The following VPS50 variants were observed in gnomAD, a reference collection of about 807,000 sequenced individuals.
VPS50 encodes syndetin.
A neutral mutation model predicts 139.7 loss-of-function variants in VPS50; 70 were observed. The observed-to-expected ratio is 0.50, with a 90% CI of 0.41 to 0.61. The LOEUF (loss-of-function observed/expected upper bound fraction) is 0.61, where lower values mean the gene tolerates loss of function less well. VPS50 is among the 20% of genes least tolerant of loss of function. The pLI is 0.00. For missense variants in VPS50, 921 were observed against 1,133.7 expected (o/e 0.81, Z 2.69); for synonymous variants, 365 against 376.7 (o/e 0.97, Z 0.36).
intron 9 of VPS50, among the ~76,000 whole-genome samples, chr7:93,266,712 AG>A (rs1673960689): frequency 6.6e-6 from 1 of 152,196 alleles, no homozygotes; most frequent in Non-Finnish European, 1.5e-5. Flanking sequence ...TATTTATCAA[AG>A]TGTTTATGAA....
At chr7:93,298,477 A>G (rs1796877617) in intron 16 of VPS50, among the ~76,000 whole-genome samples, 3 of 152,336 alleles carry the variant, frequency 2.0e-5, no homozygotes, top group South Asian at 4.1e-4. Context: ...TCCCTGCAGT[A>G]TGAAGGCATG....
At chr7:93,247,043 C>T (rs1016887813) in intron 2 of VPS50, among the ~76,000 whole-genome samples, 4 of 151,804 alleles carry the variant, frequency 2.6e-5, no homozygotes, top group Non-Finnish European at 4.4e-5. Context: ...AGTTATATTT[C>T]TGATGTACAT....
At chr7:93,324,323 T>A (rs1022612093) in intron 21 of VPS50, among the ~76,000 whole-genome samples, 4 of 152,180 alleles carry the variant, frequency 2.6e-5, no homozygotes, top group Non-Finnish European at 2.9e-5. Context: ...TCCAACACTA[T>A]GTTGAATAGG....
chr7:93,306,223 T>C (rs2116976180), intron 18 of VPS50, among the ~76,000 whole-genome samples: 1 of 152,060 alleles, frequency 6.6e-6, no homozygotes, highest in South Asian at 2.1e-4. Context: ...ATGTTTGCTT[T>C]ATGTTCTTAT....
chr7:93,294,744 A>G (rs1796757090), intron 14 of VPS50, 108 bp downstream of exon 14: 4 of 796,852 alleles, frequency 5.0e-6, no homozygotes, highest in Non-Finnish European at 7.7e-6. Flanking sequence ...TTGCAGATTT[A>G]ATCATATGTT....
At chr7:93,242,808 G>A (rs1255382675) in intron 2 of VPS50, among the ~76,000 whole-genome samples, 1 of 151,858 alleles carries the variant, frequency 6.6e-6, no homozygotes, top group East Asian at 1.9e-4. Context: ...GTTAGTTTGG[G>A]TTCTGTTACA....
intron 9 of VPS50, among the ~76,000 whole-genome samples, chr7:93,262,571 A>G (rs188777926): frequency 6.6e-6 from 1 of 152,340 alleles, no homozygotes; most frequent in East Asian, 1.9e-4. Flanking sequence ...AAATAGGTAA[A>G]AGTACATCAC....
At chr7:93,293,576 A>T (rs1276601838) in intron 13 of VPS50, among the ~76,000 whole-genome samples, 1 of 152,178 alleles carries the variant, frequency 6.6e-6, no homozygotes, top group South Asian at 2.1e-4. Flanking sequence ...TCAGGAATAA[A>T]ATTGTAGAAA....
At chr7:93,314,138 A>G (rs949734914) in intron 20 of VPS50, among the ~76,000 whole-genome samples, 4 of 152,212 alleles carry the variant, frequency 2.6e-5, no homozygotes, top group African/African-American at 7.2e-5. Context: ...TGAAGATTAT[A>G]AACTGGCAGA....
intron 12 of VPS50, among the ~76,000 whole-genome samples, chr7:93,277,329 T>C (rs943309381): frequency 6.6e-6 from 1 of 152,188 alleles, no homozygotes; most frequent in African/African-American, 2.4e-5. Flanking sequence ...GAGGTACTGT[T>C]TACCATGATT....
In VPS50 at chr7:93,232,452, T is replaced by G; in HGVS notation, c.-16T>G. 2.5e-6 allele frequency: 4 copies of G among 1,610,612 alleles called. No homozygotes were observed. Among genetic ancestry groups the G allele is most frequent in the Non-Finnish European group, 3.4e-6 (4 of 1,177,052 alleles). ...GTTAGCTCTTTGAGGCAGGGTACCC[T>G]CCTCAGGATTTCGATATGCAAAAAA... On this transcript the variant is annotated 5_prime_UTR_variant, in exon 1 of 28. Coordinates refer to ENST00000305866, the MANE Select transcript of VPS50 (RefSeq NM_017667.4).
rs1450680267 is a variant in VPS50, at chr7:93,360,254, T to C, written c.*1818T>C. On this transcript the variant is annotated 3_prime_UTR_variant, in exon 28 of 28. Coordinates refer to ENST00000305866, the MANE Select transcript of VPS50 (RefSeq NM_017667.4). ...GAATCACCTGCCTGGTAGAGCCCAG[T>C]GTTTTCCAAGGTAATAGGAATTGAT... 2 of 152,150 alleles carry C rather than the reference T, an allele frequency of 1.3e-5. No homozygotes were observed. The highest frequency in any genetic ancestry group is 2.9e-5 in the Non-Finnish European group (2 of 68,020). The allele number at this position is 152,150 out of a possible 1,614,324, so 9.4% of individuals were successfully genotyped here. A position where few individuals can be genotyped will look rare whatever the true frequency, so the allele number is the denominator to read the frequency against.
intron 12 of VPS50, among the ~76,000 whole-genome samples, chr7:93,287,914 G>A (rs1296500194): frequency 6.6e-6 from 1 of 152,148 alleles, no homozygotes; most frequent in Admixed American, 6.6e-5. Context: ...TAAACCAAGT[G>A]TATTAGTCTG....
chr7:93,355,707 A>G (rs968869598), intron 26 of VPS50, among the ~76,000 whole-genome samples, 184 bp from the exon 27 acceptor site: 9 of 152,184 alleles, frequency 5.9e-5, no homozygotes, highest in African/African-American at 9.7e-5. Flanking sequence ...CCGCATAGGT[A>G]AAATGACAGA....
chr7:93,241,098 A>G (rs928006156), intron 2 of VPS50, among the ~76,000 whole-genome samples: 1 of 152,154 alleles, frequency 6.6e-6, no homozygotes, highest in African/African-American at 2.4e-5. Flanking sequence ...ATCATGCATT[A>G]TGAACATACC....
chr7:93,271,334 T>C, intron 10 of VPS50, 72 bp downstream of exon 10: 1 of 1,442,700 alleles, frequency 6.9e-7, no homozygotes, highest in Non-Finnish European at 9.1e-7. Flanking sequence ...AGGTGCAACA[T>C]TGTGTTTTGG....
chr7:93,248,244 A>G (rs1009140666), intron 2 of VPS50, among the ~76,000 whole-genome samples: 3 of 151,940 alleles, frequency 2.0e-5, no homozygotes, highest in Admixed American at 1.3e-4. Context: ...AAGAAGTTCC[A>G]TTTGGTATTC....
At chr7:93,310,033 G>A (rs1386112878) in intron 19 of VPS50, among the ~76,000 whole-genome samples, 1 of 151,958 alleles carries the variant, frequency 6.6e-6, no homozygotes, top group Non-Finnish European at 1.5e-5. Flanking sequence ...GCGTATGTAT[G>A]ATATTAAGTG....
intron 12 of VPS50, among the ~76,000 whole-genome samples, chr7:93,285,435 T>G (rs1277890350): frequency 2.0e-5 from 3 of 152,198 alleles, no homozygotes; most frequent in African/African-American, 4.8e-5. Context: ...TTAAAGTAAA[T>G]TATAGAATAA....
Sources: allele counts gnomAD v4.1 joint callset (sites outside exome capture counted in the v4.1 genomes callset), GRCh38; gene constraint gnomAD v4.1.1; transcripts MANE v1.5; gene names NCBI Gene and HGNC (gene_info 2026-07-23, HGNC 2026-07-21).